DPH6: variants seen among roughly 807,000 people sequenced by gnomAD.
DPH6 encodes the protein diphthamine biosynthesis 6.
In DPH6, 33 loss-of-function variants were observed where a neutral mutation model predicts 38.2. That is an observed-to-expected ratio of 0.86 (90% CI 0.65 to 1.15). The LOEUF (loss-of-function observed/expected upper bound fraction) is 1.15. Among genes scored for constraint, DPH6 ranks in the 50% most tolerant of loss-of-function variants. The pLI is 0.00. For synonymous variants in DPH6, 108 were observed against 103.0 expected (o/e 1.05, Z -0.30); for missense variants, 325 against 320.0 (o/e 1.02, Z -0.12).
intron 5 of DPH6, among the ~76,000 whole-genome samples, chr15:35,414,809 G>C (rs2053415803): frequency 1.3e-5 from 2 of 148,846 alleles, no homozygotes; most frequent in Admixed American, 1.3e-4. Flanking sequence ...TTTTTTTCAT[G>C]ACTATGTTTC....
At chr15:35,276,266 A>G (rs1016886291) in intron 3 of DPH6, among the ~76,000 whole-genome samples, 1 of 152,032 alleles carries the variant, frequency 6.6e-6, no homozygotes, top group East Asian at 1.9e-4. Context: ...TCCTTAGCCT[A>G]CTTTTGATGG....
intron 7 of DPH6, among the ~76,000 whole-genome samples, chr15:35,375,540 T>C (rs888738262): frequency 6.6e-6 from 1 of 152,150 alleles, no homozygotes; most frequent in African/African-American, 2.4e-5. Flanking sequence ...TCTGTCAGAA[T>C]ATCCTCAGAT....
chr15:35,415,290 C>A (rs1195737345), intron 5 of DPH6, among the ~76,000 whole-genome samples: 1 of 151,860 alleles, frequency 6.6e-6, no homozygotes, highest in African/African-American at 2.4e-5. Context: ...ATAACACAGT[C>A]AGCATTAGGG....
intron 6 of DPH6, chr15:35,400,628 A>G (rs1178217509): frequency 1.9e-6 from 1 of 524,714 alleles, no homozygotes; most frequent in Non-Finnish European, 3.4e-6. Context: ...TTACAAAATT[A>G]GCCTTTCTGC....
intron 3 of DPH6, among the ~76,000 whole-genome samples, chr15:35,531,728 T>TA (rs1344054060): frequency 6.6e-6 from 1 of 152,198 alleles, no homozygotes; most frequent in Non-Finnish European, 1.5e-5. Context: ...CTCGGCCTCC[T>TA]AAAGTGCTGA....
chr15:35,461,884 C>T (rs144556583), intron 3 of DPH6, among the ~76,000 whole-genome samples: 4 of 152,218 alleles, frequency 2.6e-5, no homozygotes, highest in Non-Finnish European at 4.4e-5. Flanking sequence ...CCTAAAATTC[C>T]AGCATTTGGA....
At chr15:35,487,357 T>A (rs1478801595) in intron 3 of DPH6, among the ~76,000 whole-genome samples, 2 of 152,250 alleles carry the variant, frequency 1.3e-5, no homozygotes, top group African/African-American at 4.8e-5. Flanking sequence ...AGCAGACTTC[T>A]GCCTGGACAT....
At chr15:35,526,551 T>C (rs1350548997) in intron 3 of DPH6, among the ~76,000 whole-genome samples, 3 of 152,162 alleles carry the variant, frequency 2.0e-5, no homozygotes, top group Admixed American at 2.0e-4. Context: ...TGAGAGTTAA[T>C]TGCTTTTACA....
At chr15:35,360,480 G>T (rs968837524) in intron 3 of DPH6, among the ~76,000 whole-genome samples, 2 of 152,188 alleles carry the variant, frequency 1.3e-5, no homozygotes, top group Non-Finnish European at 2.9e-5. Flanking sequence ...ATAGATGGGG[G>T]ATAGAGTCAA....
At chr15:35,170,045 G>C in the DPH6 span, among the ~76,000 whole-genome samples, 3 of 152,124 alleles carry the variant, frequency 2.0e-5, no homozygotes, top group African/African-American at 7.2e-5. Context: ...CCCACTGAGG[G>C]GCTTTGCATG....
At chr15:35,446,025 C>A (rs1046130609) in intron 5 of DPH6, among the ~76,000 whole-genome samples, 1 of 152,102 alleles carries the variant, frequency 6.6e-6, no homozygotes, top group Admixed American at 6.5e-5. Context: ...CGAACTGCCA[C>A]TAGTGATGCT....
At chr15:35,440,624 T>C (rs1423571657) in intron 5 of DPH6, among the ~76,000 whole-genome samples, 1 of 152,176 alleles carries the variant, frequency 6.6e-6, no homozygotes, top group Non-Finnish European at 1.5e-5. Flanking sequence ...TTATATGTCC[T>C]TCTTTAGAAG....
intron 3 of DPH6, among the ~76,000 whole-genome samples, chr15:35,494,728 A>C (rs1042167700): frequency 6.6e-6 from 1 of 152,010 alleles, no homozygotes; most frequent in Non-Finnish European, 1.5e-5. Flanking sequence ...ACATCCTATC[A>C]ACTTTTCTCC....
intron 3 of DPH6, among the ~76,000 whole-genome samples, chr15:35,253,981 C>A (rs553218084): frequency 6.6e-6 from 1 of 152,270 alleles, no homozygotes; most frequent in Non-Finnish European, 1.5e-5. Context: ...AAAGAATTTA[C>A]GTTTTGAATA....
At chr15:35,481,345 T>C (rs1423779080) in intron 3 of DPH6, among the ~76,000 whole-genome samples, 2 of 152,054 alleles carry the variant, frequency 1.3e-5, no homozygotes, top group South Asian at 2.1e-4. Context: ...ACCTGTTTTA[T>C]TGAAAAAGGA....
chr15:35,497,297 G>A (rs1172109822), intron 3 of DPH6, among the ~76,000 whole-genome samples: 1 of 152,142 alleles, frequency 6.6e-6, no homozygotes, highest in Non-Finnish European at 1.5e-5. Context: ...ATTAATATGA[G>A]AAATGGGTAT....
intron 3 of DPH6, among the ~76,000 whole-genome samples, chr15:35,228,678 T>G (rs957752682): frequency 2.6e-5 from 4 of 152,186 alleles, no homozygotes; most frequent in Non-Finnish European, 5.9e-5. Flanking sequence ...AATTTCTTAT[T>G]GCTCATTAAC....
At chr15:35,411,001 A>G (rs947803167) in intron 5 of DPH6, 105 bp from the exon 6 acceptor site, 1 of 921,938 alleles carries the variant, frequency 1.1e-6, no homozygotes, top group Non-Finnish European at 1.6e-6. Context: ...CAGTGTGTAT[A>G]TATTTTGAAT....
intron 6 of DPH6, among the ~76,000 whole-genome samples, chr15:35,389,614 T>A (rs1394465382): frequency 6.6e-6 from 1 of 152,258 alleles, no homozygotes; most frequent in Non-Finnish European, 1.5e-5. Context: ...TTTGTCTCTT[T>A]CGATCTTTGT....
Sources: allele counts gnomAD v4.1 joint callset (sites outside exome capture counted in the v4.1 genomes callset), GRCh38; gene constraint gnomAD v4.1.1; transcripts MANE v1.5; gene names NCBI Gene and HGNC (gene_info 2026-07-23, HGNC 2026-07-21).